CHRM3: variants seen among roughly 807,000 people sequenced by gnomAD.
CHRM3 encodes cholinergic receptor muscarinic 3, also known as muscarinic acetylcholine receptor M3.
CHRM3 carries 11 observed loss-of-function variants against 41.8 expected under a neutral mutation model. That is an observed-to-expected ratio of 0.26 (90% CI 0.17 to 0.44). The LOEUF (loss-of-function observed/expected upper bound fraction) is 0.44, where lower values mean the gene tolerates loss of function less well. Ranked by LOEUF, CHRM3 falls within the 20% of genes least tolerant of loss-of-function variation. The pLI is 1.00. For synonymous variants in CHRM3, 297 were observed against 301.4 expected, an observed-to-expected ratio of 0.99 and a Z score of 0.15; for missense variants, 571 against 745.4, an observed-to-expected ratio of 0.77 and a Z score of 2.72.
chr1:239,410,726 T>G (rs1661000132), intron 1 of CHRM3, among the ~76,000 whole-genome samples: 1 of 152,324 alleles, frequency 6.6e-6, no homozygotes, highest in East Asian at 1.9e-4. Context: ...TAAGATCCGC[T>G]GACCCCTCTG....
chr1:239,907,820 T>C lies in CHRM3; in HGVS notation c.369T>C (p.Asn123=), dbSNP rs764620396. 5.0e-6 allele frequency: 8 copies of C among 1,614,212 alleles called. No individual in the cohort carries two copies. The Admixed American group carries it at 1.3e-4, about 27-fold the overall frequency. ...ADLIIGVISM[N]LFTTYIIMNR... ...TGATTATCGGGGTCATTTCAATGAA[T>C]CTGTTTACGACCTACATCATCATGA... Residue 123 remains asparagine, a synonymous_variant, in exon 7 of 7, where the codon AAT becomes AAC. Transcript: ENST00000676153. The surrounding 1 kb of genome is among the most constrained non-coding windows in gnomAD (Gnocchi z 5.4).
intron 5 of CHRM3, among the ~76,000 whole-genome samples, chr1:239,688,969 C>T (rs1571991342): frequency 1.3e-5 from 2 of 148,460 alleles, no homozygotes; most frequent in Non-Finnish European, 3.0e-5. Context: ...TTATTTATTT[C>T]CTTGCTTTTC....
chr1:239,553,090 A>G (rs1660025070), intron 3 of CHRM3, among the ~76,000 whole-genome samples: 1 of 152,058 alleles, frequency 6.6e-6, no homozygotes, highest in African/African-American at 2.4e-5. Flanking sequence ...GAGGAGACGT[A>G]TACTGTTCTG....
At chr1:239,494,382 C>G (rs1192774509) in intron 2 of CHRM3, among the ~76,000 whole-genome samples, 1 of 152,074 alleles carries the variant, frequency 6.6e-6, no homozygotes, top group Non-Finnish European at 1.5e-5. Context: ...CAAGTCCTAC[C>G]AATCTCCTAC....
intron 2 of CHRM3, among the ~76,000 whole-genome samples, chr1:239,542,017 A>G (rs1441049849): frequency 2.0e-5 from 3 of 152,172 alleles, no homozygotes; most frequent in Non-Finnish European, 4.4e-5. Flanking sequence ...TAGGCAGTAG[A>G]TAGGCAGAGT....
chr1:239,764,462 T>C (rs1442713053), intron 5 of CHRM3, among the ~76,000 whole-genome samples: 3 of 152,182 alleles, frequency 2.0e-5, no homozygotes, highest in Admixed American at 1.3e-4. Flanking sequence ...TCTCAGTGAA[T>C]ACTATGGGGC....
chr1:239,430,158 G>A (rs1239972669), intron 1 of CHRM3, among the ~76,000 whole-genome samples: 1 of 151,592 alleles, frequency 6.6e-6, no homozygotes, highest in East Asian at 2.0e-4. Flanking sequence ...AGTAGAGACG[G>A]GGTTTCACCA....
chr1:239,581,471 A>T (rs1662895723), intron 3 of CHRM3, among the ~76,000 whole-genome samples: 3 of 134,736 alleles, frequency 2.2e-5, no homozygotes, highest in Non-Finnish European at 3.2e-5. Flanking sequence ...GGTGGGGGGG[A>T]TGTATGTATA....
chr1:239,482,668 A>T (rs988017055), intron 1 of CHRM3, among the ~76,000 whole-genome samples: 1 of 152,072 alleles, frequency 6.6e-6, no homozygotes, highest in Non-Finnish European at 1.5e-5. Flanking sequence ...GAATTCTCTC[A>T]TTACACTGAA....
intron 6 of CHRM3, among the ~76,000 whole-genome samples, chr1:239,867,145 C>A (rs1364885065): frequency 1.3e-5 from 2 of 151,968 alleles, no homozygotes; most frequent in African/African-American, 4.8e-5. Context: ...AAGCAGACAT[C>A]CATAATCTGG....
At chr1:239,677,487 A>T in intron 4 of CHRM3, among the ~76,000 whole-genome samples, 1 of 152,312 alleles carries the variant, frequency 6.6e-6, no homozygotes, top group Middle Eastern at 3.4e-3. Context: ...ACAGACATTT[A>T]TTGCCTTGCA....
chr1:239,794,379 C>T (rs891495061), intron 5 of CHRM3, among the ~76,000 whole-genome samples: 2 of 141,704 alleles, frequency 1.4e-5, no homozygotes, highest in Non-Finnish European at 1.5e-5. Context: ...CTTATTAATT[C>T]GTTTGTTGTT....
At chr1:239,644,164 T>A (rs1249573677) in intron 4 of CHRM3, among the ~76,000 whole-genome samples, 2 of 152,182 alleles carry the variant, frequency 1.3e-5, no homozygotes, top group African/African-American at 2.4e-5. Flanking sequence ...AAGGCATAAA[T>A]GTTTTTACAG....
At chr1:239,903,181 C>G (rs1349287733) in intron 6 of CHRM3, among the ~76,000 whole-genome samples, 1 of 152,094 alleles carries the variant, frequency 6.6e-6, no homozygotes, top group Non-Finnish European at 1.5e-5. Context: ...TTTGGGGGGG[C>G]TCTTCAGATT....
At position 239,595,217 on chromosome 1, in the gene CHRM3, A is replaced by T. The variant is rs78896221; in HGVS notation, c.-312-37007A>T. ...GAATTTACACTGCATTAGGTATTGTAGTTAATCTGGAGATTATTTAAAGTA... is the reference window on the plus strand; with the variant it reads ...GAATTTACACTGCATTAGGTATTGTTGTTAATCTGGAGATTATTTAAAGTA... On this transcript the variant is annotated intron_variant, in intron 3 of 6. Transcript: ENST00000676153. 2.9e-4 allele frequency among the ~76,000 whole-genome samples: 44 copies of T among 152,380 alleles called. No individual in the cohort carries two copies. In the East Asian group the frequency reaches 8.3e-3, roughly 29 times the overall value.
intron 6 of CHRM3, chr1:239,886,358 T>TG (rs1678071406): frequency 6.6e-6 from 1 of 152,050 alleles, no homozygotes; most frequent in African/African-American, 2.4e-5. Flanking sequence ...GCACTGAGGG[T>TG]TTCCAACCCT....
intron 3 of CHRM3, among the ~76,000 whole-genome samples, chr1:239,613,867 A>G (rs2148767206): frequency 6.6e-6 from 1 of 152,238 alleles, no homozygotes; most frequent in East Asian, 1.9e-4. Context: ...GTGATCAAGA[A>G]GGATGGGCTG....
rs1415456249 is a variant in CHRM3 at position 239,909,919 on chromosome 1, C to G, written c.*695C>G. 2 of 167,030 alleles carry G rather than the reference C, an allele frequency of 1.2e-5. No homozygotes were observed. Among genetic ancestry groups the G allele is most frequent in the Non-Finnish European group, 2.9e-5 (2 of 68,110 alleles). The allele number at this position is 167,030 out of a possible 1,614,324, so 10.3% of individuals were successfully genotyped here. A position where few individuals can be genotyped will look rare whatever the true frequency, so the allele number is the denominator to read the frequency against. On this transcript the variant is annotated 3_prime_UTR_variant, in exon 7 of 7. Coordinates refer to ENST00000676153, the MANE Select transcript of CHRM3 (RefSeq NM_001375978.1). Reference sequence around the variant, plus strand: ...GGAAACACTGAACTGGCAAATTATTCCTGCAACATACGCTTTCAGTACTTT... The same window carrying G: ...GGAAACACTGAACTGGCAAATTATTGCTGCAACATACGCTTTCAGTACTTT...
intron 5 of CHRM3, among the ~76,000 whole-genome samples, chr1:239,747,024 G>A (rs781008906): frequency 4.8e-4 from 73 of 152,124 alleles, no homozygotes; most frequent in Non-Finnish European, 8.5e-4. Flanking sequence ...CCAGAGTGCT[G>A]GAATTACCAG....
Sources: allele counts gnomAD v4.1 joint callset (sites outside exome capture counted in the v4.1 genomes callset), GRCh38; gene constraint gnomAD v4.1.1; non-coding constraint Gnocchi (gnomAD v3.1); transcripts MANE v1.5; gene names NCBI Gene and HGNC (gene_info 2026-07-23, HGNC 2026-07-21).